The following PTPRE variants were observed in gnomAD, a reference collection of about 807,000 sequenced individuals.
PTPRE encodes receptor-type tyrosine-protein phosphatase epsilon.
A neutral mutation model predicts 102.0 loss-of-function variants in PTPRE; 51 were observed. The ratio of observed to expected loss-of-function variants is 0.50; its 90% CI spans 0.40 to 0.63. PTPRE has a LOEUF of 0.63. Among genes scored for constraint, PTPRE ranks in the 30% least tolerant of loss-of-function variants. PTPRE has a pLI of 0.00. For missense variants in PTPRE, 752 were observed against 915.1 expected (o/e 0.82, Z 2.30); for synonymous variants, 345 against 348.2 (o/e 0.99, Z 0.10).
intron 3 of PTPRE, 29 bp from the exon 4 acceptor site, chr10:128,047,361 G>A (rs61758315): frequency 0.058 from 93,603 of 1,608,924 alleles, 3,057 homozygotes; most frequent in Non-Finnish European, 0.064. Context: ...GTGAGGTCAG[G>A]GGTTAGGGTC....
At chr10:127,908,345 C>A (rs1218342058) in intron 1 of PTPRE, among the ~76,000 whole-genome samples, 2 of 152,060 alleles carry the variant, frequency 1.3e-5, no homozygotes, top group African/African-American at 4.8e-5. Flanking sequence ...TACCCCTTGA[C>A]CCAGGGCGTC....
At chr10:127,938,245 T>C (rs1365034335) in intron 1 of PTPRE, among the ~76,000 whole-genome samples, 1 of 152,194 alleles carries the variant, frequency 6.6e-6, no homozygotes, top group Non-Finnish European at 1.5e-5. Context: ...AGCCCCTTAA[T>C]TAGGGGGAGT....
At chr10:128,027,343 T>C (rs977911913) in intron 2 of PTPRE, among the ~76,000 whole-genome samples, 3 of 152,214 alleles carry the variant, frequency 2.0e-5, no homozygotes, top group Non-Finnish European at 4.4e-5. Context: ...CGGCTGCTTT[T>C]GTGGGGCCTG....
chr10:128,066,740 TAC>T (rs1321928964), intron 11 of PTPRE, among the ~76,000 whole-genome samples: 6 of 152,218 alleles, frequency 3.9e-5, no homozygotes, highest in African/African-American at 9.7e-5. Context: ...GATTTAAAGA[TAC>T]AGTCATTGGC....
chr10:127,914,573 C>T (rs1225618232), intron 1 of PTPRE, among the ~76,000 whole-genome samples: 2 of 152,210 alleles, frequency 1.3e-5, no homozygotes, highest in Non-Finnish European at 2.9e-5. Context: ...AAAGTAAATC[C>T]TCCCTATGGA....
rs563498679 is a variant in PTPRE, at chr10:128,061,240, T to C, written c.588+225T>C. Among the ~76,000 whole-genome samples the C allele has an allele frequency of 4.1e-4, 62 of 152,370 alleles. No homozygotes were observed. The South Asian group carries it at 0.012, about 31-fold the overall frequency. ...ACAGAGGATGTTCACTACAGCATTA[T>C]GTATATTCCTGACCAAATAGAACAG... On this transcript the variant is annotated intron_variant, in intron 8 of 20. Transcript: ENST00000254667.
rs374850911 is a variant in PTPRE, at chr10:128,070,402, C to A, written c.1245C>A (p.His415Gln). 1 of 1,614,140 alleles carries A rather than the reference C, an allele frequency of 6.2e-7. No homozygotes were observed. The highest frequency in any genetic ancestry group is 8.5e-7 in the Non-Finnish European group (1 of 1,180,016). ...TGGAGAAGCACCTGCAGACCATGCA[C>A]GGCACCACCACCCACTTCGACAAGA... ...SSLEKHLQTM[H>Q]GTTTHFDKIG... Residue 415 changes from histidine to glutamine, a missense_variant, in exon 14 of 21, where the codon CAC becomes CAA. By Grantham distance (24) the His-to-Gln change is conservative. This residue lies in a region of PTPRE where 636 missense variants were observed against 824.4 expected (regional missense o/e 0.77). Transcript: ENST00000254667. This position sits in a 1 kb window ranked among gnomAD's most constrained non-coding sequence, Gnocchi z 4.8.
At chr10:128,067,154 C>G (rs753171038) in intron 11 of PTPRE, among the ~76,000 whole-genome samples, 2 of 145,346 alleles carry the variant, frequency 1.4e-5, no homozygotes, top group Non-Finnish European at 1.5e-5. Flanking sequence ...TGCACACACA[C>G]CCCACTCACA....
intron 15 of PTPRE, chr10:128,071,216 G>A (rs1590226202): frequency 2.5e-6 from 1 of 397,490 alleles, no homozygotes; most frequent in South Asian, 3.0e-5. Flanking sequence ...TTTGCGGCAG[G>A]CACGACTTGG....
intron 3 of PTPRE, among the ~76,000 whole-genome samples, chr10:128,043,471 G>A (rs1847874108): frequency 6.6e-6 from 1 of 152,222 alleles, no homozygotes; most frequent in Admixed American, 6.5e-5. Context: ...CTGCTCACCT[G>A]CCACTCACCT....
intron 1 of PTPRE, among the ~76,000 whole-genome samples, chr10:127,917,672 T>A (rs79732110): frequency 5.3e-4 from 81 of 151,582 alleles, no homozygotes; most frequent in Middle Eastern, 3.4e-3. Flanking sequence ...CTCAAAAAAA[T>A]TTTTTTTATT....
At chr10:127,930,578 T>C (rs1441022081) in intron 1 of PTPRE, among the ~76,000 whole-genome samples, 3 of 152,210 alleles carry the variant, frequency 2.0e-5, no homozygotes, top group Non-Finnish European at 4.4e-5. Flanking sequence ...GGCTATAACA[T>C]GTGCATGTAG....
chr10:128,029,337 T>G (rs1846532004), intron 2 of PTPRE, among the ~76,000 whole-genome samples: 1 of 152,208 alleles, frequency 6.6e-6, no homozygotes, highest in Admixed American at 6.5e-5. Context: ...CTCAGCACTA[T>G]TGTTCTCCAC....
In PTPRE at chr10:128,057,458, C is replaced by T. The variant is rs75275941; in HGVS notation, c.511+1245C>T. 5.9e-3 allele frequency among the ~76,000 whole-genome samples: 904 copies of T among 152,248 alleles called. 66 individuals carry two copies. In the East Asian group the frequency reaches 0.15, roughly 25 times the overall value. ...GGAGGAAGGCAGCCCATGTGGGCCC[C>T]GGAATGCTGCTCCCTGCTGCATTTT... On this transcript the variant is annotated intron_variant, in intron 7 of 20. Transcript: ENST00000254667.
In PTPRE at chr10:128,040,872, C is replaced by A. The variant is rs745907322; in HGVS notation, c.-7-3C>A. The stretch of plus-strand genomic sequence containing the variant: ...CTCTGAGCCTGTCCCTGCCTCTCTG[C>A]AGGTCCACCATGGAGCCCTTGTGTC... On this transcript the variant is annotated splice_polypyrimidine_tract_variant and splice_region_variant and intron_variant, in intron 2 of 20. Transcript: ENST00000254667. 2 of 1,612,794 alleles carry A rather than the reference C, an allele frequency of 1.2e-6. No homozygotes were observed. Among genetic ancestry groups the A allele is most frequent in the Non-Finnish European group, 1.7e-6 (2 of 1,178,892 alleles).
intron 17 of PTPRE, among the ~76,000 whole-genome samples, chr10:128,073,803 G>C (rs1850990580): frequency 6.6e-6 from 1 of 152,120 alleles, no homozygotes; most frequent in African/African-American, 2.4e-5. Context: ...AAGACATGAA[G>C]ACAACAGTAA....
chr10:127,922,498 A>C lies in PTPRE; in HGVS notation c.-31+15189A>C, dbSNP rs187137286. 9.4e-4 allele frequency among the ~76,000 whole-genome samples: 143 copies of C among 152,316 alleles called. 3 individuals carry two copies. The East Asian group carries it at 0.018, about 19-fold the overall frequency. On this transcript the variant is annotated intron_variant, in intron 1 of 20. Coordinates refer to ENST00000254667, the MANE Select transcript of PTPRE (RefSeq NM_006504.6). ...GTCCGTGTGGGATTGAGAAGGCCTC[A>C]TGCCAGGAGCTGTGCTCTTCTCTTC...
intron 1 of PTPRE, among the ~76,000 whole-genome samples, chr10:127,933,281 G>T (rs1240843451): frequency 6.6e-6 from 1 of 152,170 alleles, no homozygotes; most frequent in African/African-American, 2.4e-5. Flanking sequence ...ACAGCAAAAT[G>T]ACAAAATTCA....
chr10:127,935,793 T>G (rs1192669397), intron 1 of PTPRE, among the ~76,000 whole-genome samples: 1 of 152,124 alleles, frequency 6.6e-6, no homozygotes, highest in Non-Finnish European at 1.5e-5. Flanking sequence ...CAGGGACCCC[T>G]CCACCTGAAG....
Sources: gnomAD v4.1 joint callset for allele counts (sites outside exome capture counted in the v4.1 genomes callset) on GRCh38, gnomAD v4.1.1 for gene constraint, gnomAD v4.1.1 regional missense constraint, Gnocchi (gnomAD v3.1) non-coding constraint, MANE v1.5 for transcripts, NCBI Gene and HGNC (gene_info 2026-07-23, HGNC 2026-07-21) for gene names.